The following CCDC91 variants were observed in gnomAD, a reference collection of about 807,000 sequenced individuals.
CCDC91 encodes the protein coiled-coil domain-containing protein 91.
In CCDC91, 48 loss-of-function variants were observed where a neutral mutation model predicts 63.2. The observed-to-expected ratio is 0.76, with a 90% confidence interval of 0.60 to 0.97. The LOEUF (loss-of-function observed/expected upper bound fraction) is 0.97. CCDC91 is among the 50% of genes least tolerant of loss of function. The probability of loss-of-function intolerance (pLI) is 0.00; values close to 1 mark genes in which losing one functional copy is unlikely to be tolerated. For synonymous variants in CCDC91, 167 were observed against 165.8 expected (o/e 1.01, Z -0.06); for missense variants, 500 against 494.6 (o/e 1.01, Z -0.10).
rs143010920 is a variant in CCDC91, at chr12:28,279,373, A to G, written c.109+19931A>G. Reference sequence around the variant, plus strand: ...AGTTAAGTACAGAAGTCATGCACGTATAAGTATATAGACTTTCCTAGGAGA... The same window carrying G: ...AGTTAAGTACAGAAGTCATGCACGTGTAAGTATATAGACTTTCCTAGGAGA... On this transcript the variant is annotated intron_variant, in intron 3 of 12. Coordinates refer to ENST00000536442, the MANE Select transcript of CCDC91 (RefSeq NM_018318.5). Among the ~76,000 whole-genome samples, 13 of 152,276 alleles carry G rather than the reference A, an allele frequency of 8.5e-5. No individual in the cohort carries two copies. The East Asian group carries it at 1.5e-3, about 18-fold the overall frequency.
At chr12:28,231,566 T>A (rs1364999020) in intron 1 of CCDC91, among the ~76,000 whole-genome samples, 1 of 152,196 alleles carries the variant, frequency 6.6e-6, no homozygotes, top group Non-Finnish European at 1.5e-5. Flanking sequence ...AAGAGTGTAT[T>A]TCAGGATTGA....
Position 28,307,731 on chromosome 12 carries a change from T to C in CCDC91, c.558T>C (p.Asp186=). Residue 186 remains aspartate, a synonymous_variant, in exon 6 of 13, where the codon GAT becomes GAC. Coordinates refer to ENST00000536442, the MANE Select transcript of CCDC91 (RefSeq NM_018318.5). ...EKEQEAISFQ[D]RYKELQEKHK... is the part of the protein sequence containing the mutation. ...AGCAAGAGGCCATTTCTTTTCAAGATAGATACAAAGAACTTCAGGTAAGGC... is the reference window on the plus strand; with the variant it reads ...AGCAAGAGGCCATTTCTTTTCAAGACAGATACAAAGAACTTCAGGTAAGGC... The C allele has an allele frequency of 6.3e-7, 1 of 1,576,864 alleles. No homozygotes were observed. The highest frequency in any genetic ancestry group is 8.7e-7 in the Non-Finnish European group (1 of 1,154,524).
At chr12:28,197,979 A>G (rs1250887383) in intron 1 of CCDC91, among the ~76,000 whole-genome samples, 4 of 152,188 alleles carry the variant, frequency 2.6e-5, no homozygotes, top group African/African-American at 4.8e-5. Context: ...GAGATAAAAA[A>G]TAATGTTAAT....
chr12:28,307,403 T>C (rs534386687), intron 5 of CCDC91, among the ~76,000 whole-genome samples: 1 of 152,050 alleles, frequency 6.6e-6, no homozygotes, highest in South Asian at 2.1e-4. Flanking sequence ...AGGTAGATTA[T>C]GTTGATGAAA....
At chr12:28,376,731 T>A (rs1944970637) in intron 7 of CCDC91, among the ~76,000 whole-genome samples, 1 of 151,848 alleles carries the variant, frequency 6.6e-6, no homozygotes. Flanking sequence ...TTCAGAACTT[T>A]CTCCGTATAC....
chr12:28,434,254 G>A (rs1948777739), intron 8 of CCDC91, among the ~76,000 whole-genome samples: 1 of 151,612 alleles, frequency 6.6e-6, no homozygotes, highest in Non-Finnish European at 1.5e-5. Flanking sequence ...TTTTGTAGAT[G>A]TTCTTTATCA....
intron 11 of CCDC91, among the ~76,000 whole-genome samples, chr12:28,467,498 A>G (rs1410723061): frequency 1.3e-5 from 2 of 152,058 alleles, no homozygotes; most frequent in Non-Finnish European, 2.9e-5. Context: ...GAGAGACTCC[A>G]GTAAAATAGT....
At chr12:28,268,810 G>A (rs1416390762) in intron 3 of CCDC91, 1 of 254,686 alleles carries the variant, frequency 3.9e-6, no homozygotes, top group African/African-American at 2.3e-5. Context: ...AAAAATTTTT[G>A]AATCTGACCT....
chr12:28,544,189 C>T (rs1404360796), intron 12 of CCDC91, among the ~76,000 whole-genome samples: 2 of 151,832 alleles, frequency 1.3e-5, no homozygotes, highest in Non-Finnish European at 2.9e-5. Context: ...GATCTCCTCC[C>T]CTACCAGTCT....
chr12:28,369,535 AG>A (rs1184933311), intron 7 of CCDC91, among the ~76,000 whole-genome samples: 1 of 152,170 alleles, frequency 6.6e-6, no homozygotes, highest in Non-Finnish European at 1.5e-5. Flanking sequence ...AAACTCTCAG[AG>A]GATATACCAT....
intron 8 of CCDC91, among the ~76,000 whole-genome samples, chr12:28,424,635 G>A (rs185473512): frequency 6.6e-6 from 1 of 152,020 alleles, no homozygotes; most frequent in Admixed American, 6.6e-5. Context: ...TTAATTTTGA[G>A]GGATGTGTCA....
intron 12 of CCDC91, among the ~76,000 whole-genome samples, chr12:28,504,838 T>C (rs1938504035): frequency 6.6e-6 from 1 of 151,988 alleles, no homozygotes; most frequent in Non-Finnish European, 1.5e-5. Flanking sequence ...AAGTGAAGTT[T>C]AGTAGAACAG....
chr12:28,397,011 T>C (rs1353700626), intron 8 of CCDC91, among the ~76,000 whole-genome samples: 2 of 152,118 alleles, frequency 1.3e-5, no homozygotes, highest in East Asian at 3.9e-4. Context: ...AGTGTATCTA[T>C]GGATGAGATC....
At chr12:28,287,618 G>C (rs1948993683) in intron 3 of CCDC91, among the ~76,000 whole-genome samples, 1 of 152,122 alleles carries the variant, frequency 6.6e-6, no homozygotes. Context: ...TAGTCCTCCT[G>C]TAGTACAATT....
At chr12:28,391,731 T>G (rs1040309173) in intron 8 of CCDC91, among the ~76,000 whole-genome samples, 4 of 152,190 alleles carry the variant, frequency 2.6e-5, no homozygotes, top group Non-Finnish European at 4.4e-5. Flanking sequence ...GAGATAAGAT[T>G]TATAAATAAC....
rs1222236428 is a variant in CCDC91, at chr12:28,379,976, A to C, written c.655-11328A>C. On this transcript the variant is annotated intron_variant, in intron 7 of 12. Transcript: ENST00000536442. ...TTAAGAAAATGTGGCACATATACAC[A>C]ATGGAATACTATGCAGCCATAAAAA... is the stretch of plus-strand genomic sequence containing the variant. Among the ~76,000 whole-genome samples the C allele has an allele frequency of 2.0e-5, 3 of 152,132 alleles. No homozygotes were observed. The East Asian group carries it at 5.8e-4, about 29-fold the overall frequency.
At chr12:28,426,165 G>T (rs1948304627) in intron 8 of CCDC91, among the ~76,000 whole-genome samples, 1 of 152,098 alleles carries the variant, frequency 6.6e-6, no homozygotes, top group African/African-American at 2.4e-5. Context: ...TTTCTAAAGA[G>T]AAATCCACTA....
chr12:28,445,307 A>C (rs1176681090), intron 8 of CCDC91, among the ~76,000 whole-genome samples: 1 of 152,172 alleles, frequency 6.6e-6, no homozygotes, highest in Non-Finnish European at 1.5e-5. Flanking sequence ...CCTACCTCTT[A>C]GTCCCCCTCC....
At chr12:28,458,070 A>C (rs10771428) in intron 11 of CCDC91, among the ~76,000 whole-genome samples, 31,722 of 152,048 alleles carry the variant, frequency 0.21, 4,339 homozygotes, top group Non-Finnish European at 0.31. Flanking sequence ...ATTTTCCTTA[A>C]GAAATTTAGT....
Sources: allele counts gnomAD v4.1 joint callset (sites outside exome capture counted in the v4.1 genomes callset), GRCh38; gene constraint gnomAD v4.1.1; transcripts MANE v1.5; gene names NCBI Gene and HGNC (gene_info 2026-07-23, HGNC 2026-07-21).